PGAM5: variants seen among roughly 807,000 people sequenced by gnomAD.
The protein encoded by PGAM5 is PGAM family member 5, mitochondrial serine/threonine protein phosphatase.
A neutral mutation model predicts 30.6 loss-of-function variants in PGAM5; 25 were observed. The observed-to-expected ratio is 0.82, with a 90% confidence interval of 0.60 to 1.14. The LOEUF is 1.14. Ranked by LOEUF, PGAM5 falls within the 50% of genes most tolerant of loss-of-function variation. PGAM5 has a pLI of 0.00. For missense variants in PGAM5, 384 were observed against 408.5 expected (o/e 0.94, Z 0.52); for synonymous variants, 201 against 179.1 (o/e 1.12, Z -0.98).
At chr12:132,718,797 T>A in intron 5 of PGAM5, 2 of 1,613,634 alleles carry the variant, frequency 1.2e-6, no homozygotes, top group Non-Finnish European at 1.7e-6. Context: ...GATTTTGTGC[T>A]TCTGGGGTCC....
At chr12:132,718,670 T>G (rs983732519) in intron 5 of PGAM5, 14 of 1,401,606 alleles carry the variant, frequency 1.0e-5, no homozygotes, top group Admixed American at 3.4e-5. Flanking sequence ...GCGTCCGCAC[T>G]GCCCTGGTTG....
chr12:132,715,173 G>A (rs1203218577), intron 2 of PGAM5, 137 bp downstream of exon 2: 1 of 831,404 alleles, frequency 1.2e-6, no homozygotes, highest in Non-Finnish European at 1.8e-6. Flanking sequence ...AGTGCTTGGG[G>A]CACTGGGCCT....
At chr12:132,711,600 A>C (rs193088759) in intron 1 of PGAM5, 1 of 152,032 alleles carries the variant, frequency 6.6e-6, no homozygotes, top group Non-Finnish European at 1.5e-5. Flanking sequence ...TGGGCAACAT[A>C]GTGAGACCCC....
At chr12:132,713,447 T>C (rs974728572) in intron 1 of PGAM5, among the ~76,000 whole-genome samples, 3 of 152,176 alleles carry the variant, frequency 2.0e-5, no homozygotes, top group Non-Finnish European at 4.4e-5. Flanking sequence ...GCTTCCTGTC[T>C]CTGTGCCTAT....
chr12:132,719,189 T>G, intron 5 of PGAM5: 1 of 1,178,234 alleles, frequency 8.5e-7, no homozygotes. Context: ...TCTGGATCCA[T>G]TAGGAAATGT....
chr12:132,721,864 A>G lies in PGAM5; in HGVS notation c.*1036A>G, dbSNP rs994797454. ...GTGATTCACCCACCTTGGCCTCCCA[A>G]AGTGCTGGGATTAAAGGTGTGAGCC... On this transcript the variant is annotated 3_prime_UTR_variant, in exon 6 of 6. Transcript: ENST00000498926. 11 of 152,164 alleles carry G rather than the reference A, an allele frequency of 7.2e-5. No individual in the cohort carries two copies. Among genetic ancestry groups the G allele is most frequent in the African/African-American group, 2.4e-4 (10 of 41,430 alleles). 9.4% of individuals were successfully genotyped at this position (152,164 alleles called of 1,614,324 possible).
Position 132,717,525 on chromosome 12 carries a change from G to T in PGAM5, c.457G>T (p.Ala153Ser), listed in dbSNP as rs753623153. ...AATCGTCCATTCGTCTATGACGCGC[G>T]CCATAGAGACCACCGATATCATCAG... ...NKIVHSSMTR[A>S]IETTDIISRH... The change falls in exon 3 of 6, where the codon GCC becomes TCC. Residue 153 changes from alanine to serine, a missense_variant. Physicochemically the swap from Ala to Ser is moderately conservative, Grantham distance 99. Transcript: ENST00000498926. 1 of 1,610,874 alleles carries T rather than the reference G, an allele frequency of 6.2e-7. No homozygotes were observed. The highest frequency in any genetic ancestry group is 2.2e-5 in the East Asian group (1 of 44,872).
chr12:132,715,457 G>C (rs1023312492), intron 2 of PGAM5, among the ~76,000 whole-genome samples: 4 of 151,454 alleles, frequency 2.6e-5, no homozygotes, highest in African/African-American at 9.7e-5. Flanking sequence ...TGTAGTCCCA[G>C]CTACTCGGGA....
In PGAM5 at chr12:132,710,855, G is replaced by T. The variant is rs1468202257; in HGVS notation, c.-22G>T. On this transcript the variant is annotated 5_prime_UTR_variant, in exon 1 of 6. Coordinates refer to ENST00000498926, the MANE Select transcript of PGAM5 (RefSeq NM_001170543.2). ...CGTCGGGGCCGTGGGCGCCTGCGCG[G>T]GCCGGCGCGGGAGCAAGCGGCATGG... 7.2e-6 allele frequency: 8 copies of T among 1,113,952 alleles called. No individual in the cohort carries two copies. Among genetic ancestry groups the T allele is most frequent in the South Asian group, 4.3e-5 (1 of 23,032 alleles). 69.0% of individuals were successfully genotyped at this position (1,113,952 alleles called of 1,614,324 possible). A position where few individuals can be genotyped will look rare whatever the true frequency, so the allele number is the denominator to read the frequency against.
intron 1 of PGAM5, among the ~76,000 whole-genome samples, chr12:132,713,947 CTT>C (rs2043547946): frequency 1.3e-5 from 2 of 151,996 alleles, no homozygotes; most frequent in Non-Finnish European, 2.9e-5. Context: ...GGGATCCACT[CTT>C]TTTCAGATTC....
chr12:132,722,619 C>T lies in PGAM5; in HGVS notation c.*1791C>T, dbSNP rs983400442. 3.3e-5 allele frequency: 5 copies of T among 152,174 alleles called. No homozygotes were observed. Among genetic ancestry groups the T allele is most frequent in the Admixed American group, 3.3e-4 (5 of 15,278 alleles). The allele number at this position is 152,174 out of a possible 1,614,324, so 9.4% of individuals were successfully genotyped here. A position where few individuals can be genotyped will look rare whatever the true frequency, so the allele number is the denominator to read the frequency against. ...TAATTTAGGAAAAACAGTACAATTT[C>T]TATGAAGTGGTTGTGACTATTTTCT... On this transcript the variant is annotated 3_prime_UTR_variant, in exon 6 of 6. Transcript: ENST00000498926.
At chr12:132,715,094 T>TC (rs1555233613) in intron 2 of PGAM5, 58 bp downstream of exon 2, 1 of 1,352,714 alleles carries the variant, frequency 7.4e-7, no homozygotes, top group East Asian at 2.8e-5. Flanking sequence ...CAGGTGCATA[T>TC]CTGCTGGCGC....
chr12:132,717,402 G>A (rs768546996), intron 2 of PGAM5, 37 bp from the exon 3 acceptor site: 56 of 1,596,902 alleles, frequency 3.5e-5, no homozygotes, highest in Non-Finnish European at 4.3e-5. Flanking sequence ...GGAGGAGGGG[G>A]TGCAGGTGCG....
intron 5 of PGAM5, 85 bp downstream of exon 5, chr12:132,718,205 T>A: frequency 1.3e-6 from 2 of 1,545,538 alleles, no homozygotes; most frequent in Non-Finnish European, 1.7e-6. Context: ...GAGACCCTCC[T>A]CCACTGCCGA....
intron 1 of PGAM5, among the ~76,000 whole-genome samples, chr12:132,714,062 G>T (rs1264866296): frequency 3.3e-5 from 5 of 152,156 alleles, no homozygotes; most frequent in Admixed American, 3.3e-4. Context: ...CTGTCGCCCA[G>T]ACTGGAGTGC....
chr12:132,717,914 G>A (rs988204873), intron 4 of PGAM5, 73 bp from the exon 5 acceptor site: 76 of 1,600,918 alleles, frequency 4.7e-5, no homozygotes, highest in Admixed American at 1.3e-4. Flanking sequence ...CCCGGGCGGC[G>A]ATGGGGTCTG....
intron 2 of PGAM5, among the ~76,000 whole-genome samples, chr12:132,716,363 G>C (rs1033700373): frequency 2.6e-5 from 4 of 151,938 alleles, no homozygotes. Flanking sequence ...GGGATTACAG[G>C]CGTGAGCCAC....
intron 1 of PGAM5, among the ~76,000 whole-genome samples, chr12:132,713,712 C>T (rs1354036873): frequency 6.6e-6 from 1 of 152,160 alleles, no homozygotes; most frequent in Admixed American, 6.6e-5. Flanking sequence ...GCTCTGTTGC[C>T]CAGGCTGGAG....
intron 1 of PGAM5, among the ~76,000 whole-genome samples, chr12:132,712,151 G>A (rs1017777665): frequency 6.6e-6 from 1 of 152,062 alleles, no homozygotes; most frequent in Non-Finnish European, 1.5e-5. Flanking sequence ...AAATTAATGA[G>A]CCAAAATAAT....
Sources: gnomAD v4.1 joint callset for allele counts (sites outside exome capture counted in the v4.1 genomes callset) on GRCh38, gnomAD v4.1.1 for gene constraint, MANE v1.5 for transcripts, NCBI Gene and HGNC (gene_info 2026-07-23, HGNC 2026-07-21) for gene names.